SETBP1: variants seen among roughly 807,000 people sequenced by gnomAD.
SETBP1 encodes the protein SET binding protein 1.
Under a neutral mutation model 101.0 loss-of-function variants are expected in SETBP1, and 9 were observed. That is an observed-to-expected ratio of 0.09 (90% CI 0.05 to 0.16). The LOEUF is 0.16. SETBP1 is among the 10% of genes least tolerant of loss of function. The pLI, the probability that SETBP1 is intolerant of heterozygous loss-of-function variation, is 1.00. For synonymous variants in SETBP1, 818 were observed against 788.5 expected, an observed-to-expected ratio of 1.04 and a Z score of -0.63; for missense variants, 1,858 against 2,033.8, an observed-to-expected ratio of 0.91 and a Z score of 1.66.
chr18:45,011,593 T>A (rs1483760725), intron 4 of SETBP1, among the ~76,000 whole-genome samples: 1 of 152,228 alleles, frequency 6.6e-6, no homozygotes, highest in Non-Finnish European at 1.5e-5. Context: ...CCTCTCTTTC[T>A]CTCAGGGGCC....
At chr18:44,799,031 G>T (rs1370132742) in intron 2 of SETBP1, among the ~76,000 whole-genome samples, 2 of 152,076 alleles carry the variant, frequency 1.3e-5, no homozygotes, top group Admixed American at 1.3e-4. Context: ...TGTGTTTATT[G>T]GACTTCAGCT....
chr18:44,787,449 G>A (rs1290835949), intron 2 of SETBP1, among the ~76,000 whole-genome samples: 4 of 152,066 alleles, frequency 2.6e-5, no homozygotes, highest in Admixed American at 6.5e-5. Flanking sequence ...GGGAGCAGGC[G>A]CTCTTCATTT....
intron 2 of SETBP1, among the ~76,000 whole-genome samples, chr18:44,815,035 C>A (rs554937960): frequency 1.3e-5 from 2 of 152,140 alleles, no homozygotes; most frequent in African/African-American, 4.8e-5. Flanking sequence ...TATGACAGAC[C>A]CTGATGGTGA....
chr18:44,927,190 C>T (rs1203752546), intron 3 of SETBP1, among the ~76,000 whole-genome samples: 3 of 152,152 alleles, frequency 2.0e-5, no homozygotes, highest in African/African-American at 7.2e-5. Context: ...CATGTCTCGT[C>T]TATAGTGCCA....
At chr18:44,817,417 G>GGCTC (rs1292789107) in intron 2 of SETBP1, among the ~76,000 whole-genome samples, 2 of 152,126 alleles carry the variant, frequency 1.3e-5, no homozygotes, top group Non-Finnish European at 2.9e-5. Flanking sequence ...TTCAAGAGGT[G>GGCTC]GCTCACCCCT....
intron 4 of SETBP1, among the ~76,000 whole-genome samples, chr18:45,016,415 A>G (rs1016898639): frequency 1.3e-5 from 2 of 151,234 alleles, no homozygotes; most frequent in African/African-American, 2.4e-5. Context: ...GAGAGTGTGG[A>G]CCCCTTCAGC....
At chr18:44,911,771 C>G (rs553739888) in intron 3 of SETBP1, among the ~76,000 whole-genome samples, 4 of 152,202 alleles carry the variant, frequency 2.6e-5, no homozygotes, top group Non-Finnish European at 5.9e-5. Flanking sequence ...CATACCTGTT[C>G]CCTAATAGAC....
chr18:44,789,397 C>A (rs1395974437), intron 2 of SETBP1, among the ~76,000 whole-genome samples: 1 of 152,176 alleles, frequency 6.6e-6, no homozygotes, highest in Non-Finnish European at 1.5e-5. Context: ...ATTGAAATAA[C>A]GTTTCCTTGC....
chr18:45,011,966 A>C (rs2145380187), intron 4 of SETBP1, among the ~76,000 whole-genome samples: 1 of 152,348 alleles, frequency 6.6e-6, no homozygotes, highest in South Asian at 2.1e-4. Context: ...TTAAAAAAAG[A>C]AAAGATCCTA....
At chr18:44,782,232 G>C (rs922873466) in intron 2 of SETBP1, among the ~76,000 whole-genome samples, 9 of 152,130 alleles carry the variant, frequency 5.9e-5, no homozygotes, top group Admixed American at 5.2e-4. Context: ...GAGAGAGAAA[G>C]GGAATGAAAG....
intron 5 of SETBP1, among the ~76,000 whole-genome samples, chr18:45,054,186 C>T (rs2073769168): frequency 6.6e-6 from 1 of 151,878 alleles, no homozygotes; most frequent in Non-Finnish European, 1.5e-5. Flanking sequence ...CCTAGGAAGC[C>T]ACTAATTTTT....
chr18:44,767,640 G>A (rs2144618272), intron 2 of SETBP1, among the ~76,000 whole-genome samples: 1 of 152,336 alleles, frequency 6.6e-6, no homozygotes, highest in East Asian at 1.9e-4. Context: ...TCATGTTTGT[G>A]ATTAGGGTCA....
chr18:44,715,636 T>C (rs544303247), intron 2 of SETBP1, among the ~76,000 whole-genome samples: 3 of 152,348 alleles, frequency 2.0e-5, no homozygotes, highest in Admixed American at 1.3e-4. Context: ...CTGAAGATAA[T>C]CTGAGCCAAT....
rs143229271 is a variant in SETBP1, at chr18:44,869,917, A to G, written c.540+634A>G. 668 of 174,186 alleles carry G rather than the reference A, an allele frequency of 3.8e-3. 2 individuals are homozygous for G. The highest frequency in any genetic ancestry group is 0.015 in the African/African-American group (635 of 42,036). 10.8% of individuals were successfully genotyped at this position (174,186 alleles called of 1,614,324 possible). On this transcript the variant is annotated intron_variant, in intron 3 of 5. Transcript: ENST00000649279. ...CTCTGGAAAAGGAGTCCACACAAAGACACATACACACAAATCTCAGCTATA... is the reference window on the plus strand; with the variant it reads ...CTCTGGAAAAGGAGTCCACACAAAGGCACATACACACAAATCTCAGCTATA...
intron 2 of SETBP1, among the ~76,000 whole-genome samples, chr18:44,761,028 C>T (rs535569817): frequency 9.9e-4 from 151 of 152,208 alleles, no homozygotes; most frequent in Non-Finnish European, 1.8e-3. Context: ...TACTGTGTAC[C>T]AGAGATTGAC....
intron 4 of SETBP1, among the ~76,000 whole-genome samples, chr18:45,029,972 T>C (rs886941205): frequency 2.6e-4 from 39 of 149,508 alleles, no homozygotes; most frequent in Non-Finnish European, 4.3e-4. Context: ...ACAATTTGAC[T>C]TCCTCTTTTC....
intron 2 of SETBP1, among the ~76,000 whole-genome samples, chr18:44,751,602 A>T (rs997595513): frequency 7.9e-5 from 12 of 152,004 alleles, no homozygotes; most frequent in East Asian, 1.9e-4. Flanking sequence ...TTGCAATTTC[A>T]TTCATATCTT....
chr18:44,960,828 C>T (rs974531555), intron 4 of SETBP1, among the ~76,000 whole-genome samples: 4 of 152,202 alleles, frequency 2.6e-5, no homozygotes, highest in Non-Finnish European at 5.9e-5. Context: ...TCCTCCTCCA[C>T]CCTCCACCCC....
At chr18:44,764,845 G>C (rs1180183250) in intron 2 of SETBP1, among the ~76,000 whole-genome samples, 1 of 152,146 alleles carries the variant, frequency 6.6e-6, no homozygotes, top group Non-Finnish European at 1.5e-5. Context: ...TTGCTTATTT[G>C]TTTATTACCT....
Sources: allele counts gnomAD v4.1 joint callset (sites outside exome capture counted in the v4.1 genomes callset), GRCh38; gene constraint gnomAD v4.1.1; transcripts MANE v1.5; gene names NCBI Gene and HGNC (gene_info 2026-07-23, HGNC 2026-07-21).